GLCCI1: variants seen among roughly 807,000 people sequenced by gnomAD.
GLCCI1 encodes the protein glucocorticoid-induced transcript 1 protein.
GLCCI1 carries 24 observed loss-of-function variants against 52.2 expected under a neutral mutation model. That is an observed-to-expected ratio of 0.46 (90% CI 0.33 to 0.65). The LOEUF (loss-of-function observed/expected upper bound fraction) is 0.65, where lower values mean the gene tolerates loss of function less well. GLCCI1 is among the 30% of genes least tolerant of loss of function. The pLI, the probability that GLCCI1 is intolerant of heterozygous loss-of-function variation, is 0.02. For synonymous variants in GLCCI1, 310 were observed against 276.5 expected (o/e 1.12, Z -1.20); for missense variants, 704 against 701.5 (o/e 1.00, Z -0.04).
intron 4 of GLCCI1, among the ~76,000 whole-genome samples, chr7:8,058,115 G>A (rs1297199511): frequency 6.6e-6 from 1 of 152,010 alleles, no homozygotes; most frequent in Non-Finnish European, 1.5e-5. Context: ...GAAACTAGAT[G>A]ACTAGATAAA....
At position 8,086,172 on chromosome 7, in the gene GLCCI1, A is replaced by G; in HGVS notation, c.1299-21A>G. ...TTTCTGTGTTCATGATTATAAATCT[A>G]ATTTTGTTTTATGGTTTTAGGTCTC... is the stretch of plus-strand genomic sequence containing the variant. On this transcript the variant is annotated intron_variant, in intron 7 of 7. Coordinates refer to ENST00000223145, the MANE Select transcript of GLCCI1 (RefSeq NM_138426.4). The surrounding 1 kb of genome is among the most constrained non-coding windows in gnomAD (Gnocchi z 4.4). The G allele has an allele frequency of 6.4e-7, 1 of 1,559,744 alleles. No individual in the cohort carries two copies. The highest frequency in any genetic ancestry group is 8.7e-7 in the Non-Finnish European group (1 of 1,151,270).
At chr7:8,029,425 C>T (rs1781697872) in intron 3 of GLCCI1, among the ~76,000 whole-genome samples, 1 of 152,092 alleles carries the variant, frequency 6.6e-6, no homozygotes, top group Non-Finnish European at 1.5e-5. Context: ...CTCGAAAAAA[C>T]TGGCTGTAGA....
intron 4 of GLCCI1, among the ~76,000 whole-genome samples, chr7:8,057,047 C>G (rs144113107): frequency 2.0e-5 from 3 of 152,056 alleles, no homozygotes; most frequent in Admixed American, 1.3e-4. Flanking sequence ...ACTGACAATA[C>G]CAAGTGTTGA....
chr7:7,976,484 A>AAAAAAAAAAAAG, intron 1 of GLCCI1, among the ~76,000 whole-genome samples: 1 of 143,922 alleles, frequency 6.9e-6, no homozygotes, highest in South Asian at 2.1e-4. Flanking sequence ...CATCTCAAAA[A>AAAAAAAAAAAAG]AAAAAAAAAA....
chr7:8,077,078 G>C (rs62435365), intron 6 of GLCCI1, among the ~76,000 whole-genome samples: 8,160 of 152,142 alleles, frequency 0.054, 335 homozygotes, highest in East Asian at 0.17. Context: ...ATTTGCTGTA[G>C]AAATAAGGGG....
At chr7:8,080,819 T>G (rs1306425852) in intron 6 of GLCCI1, among the ~76,000 whole-genome samples, 1 of 151,614 alleles carries the variant, frequency 6.6e-6, no homozygotes, top group Non-Finnish European at 1.5e-5. Flanking sequence ...AATCCTTTTT[T>G]TGTTTGTTTT....
intron 3 of GLCCI1, among the ~76,000 whole-genome samples, chr7:8,046,101 A>G (rs1385275487): frequency 6.6e-6 from 1 of 152,214 alleles, no homozygotes; most frequent in Non-Finnish European, 1.5e-5. Flanking sequence ...AAAATTAAAT[A>G]AACTGTTGGA....
intron 5 of GLCCI1, among the ~76,000 whole-genome samples, chr7:8,061,081 T>C (rs1302676602): frequency 6.6e-6 from 1 of 151,988 alleles, no homozygotes; most frequent in African/African-American, 2.4e-5. Flanking sequence ...ATGTTAAGCA[T>C]CTTTTCATGT....
chr7:7,998,466 T>C (rs950280092), intron 1 of GLCCI1, among the ~76,000 whole-genome samples: 1 of 152,234 alleles, frequency 6.6e-6, no homozygotes, highest in Non-Finnish European at 1.5e-5. Context: ...TCCACCCACC[T>C]CGGCCTCCCA....
At chr7:7,998,312 G>A (rs1780983678) in intron 1 of GLCCI1, among the ~76,000 whole-genome samples, 1 of 151,960 alleles carries the variant, frequency 6.6e-6, no homozygotes, top group Admixed American at 6.6e-5. Context: ...CGCCTTTCGG[G>A]TCAAGCAATT....
At chr7:7,980,412 C>A (rs780986485) in intron 1 of GLCCI1, 14 of 235,676 alleles carry the variant, frequency 5.9e-5, no homozygotes, top group Non-Finnish European at 9.7e-5. Context: ...GCAGGTACCA[C>A]AGTTTAATGG....
At chr7:8,084,753 G>A (rs1783067983) in intron 6 of GLCCI1, 144 bp from the exon 7 acceptor site, 4 of 712,260 alleles carry the variant, frequency 5.6e-6, no homozygotes, top group Non-Finnish European at 9.2e-6. Context: ...GCTACACAGG[G>A]TATAAGAAAT....
chr7:8,048,760 A>G (rs1354649970), intron 3 of GLCCI1, among the ~76,000 whole-genome samples: 1 of 152,196 alleles, frequency 6.6e-6, no homozygotes, highest in Non-Finnish European at 1.5e-5. Context: ...ACAGCACAGC[A>G]AGTGTCAAGA....
At chr7:7,978,607 A>T (rs931202501) in intron 1 of GLCCI1, among the ~76,000 whole-genome samples, 3 of 152,160 alleles carry the variant, frequency 2.0e-5, no homozygotes, top group Admixed American at 2.0e-4. Flanking sequence ...TTTATAAGTA[A>T]CATTAGAAAT....
chr7:7,992,165 T>C (rs757600453), intron 1 of GLCCI1, among the ~76,000 whole-genome samples: 1 of 151,036 alleles, frequency 6.6e-6, no homozygotes, highest in Non-Finnish European at 1.5e-5. Flanking sequence ...AGGAATTTAA[T>C]AACTCACATT....
rs1424960550 is a variant in GLCCI1 at position 8,066,309 on chromosome 7, G to A, written c.967-4612G>A. 3.3e-5 allele frequency among the ~76,000 whole-genome samples: 5 copies of A among 151,988 alleles called. No individual in the cohort carries two copies. In the East Asian group the frequency reaches 5.8e-4, roughly 18 times the overall value. On this transcript the variant is annotated intron_variant, in intron 5 of 7. Transcript: ENST00000223145. ...TTTTTCTTTATTAGTCTAGCTAGCA[G>A]TCTCTCTCATTCTTTCAAAGAATTA...
chr7:8,053,645 T>C (rs183261212), intron 3 of GLCCI1, among the ~76,000 whole-genome samples: 4 of 152,132 alleles, frequency 2.6e-5, no homozygotes, highest in Admixed American at 2.6e-4. Flanking sequence ...CTAACTAATG[T>C]TTTAAAACCT....
In GLCCI1 at chr7:7,969,375, TC is replaced by T; in HGVS notation, c.27del (p.Ser10ProfsTer14). ...CATGTCCACTGCCTCCTCCTCCTCC[TC>T]CTCCAGTTCCTCTCAGACCCCTCAT... MSTASSSSSSSSSQTPHPP... is the reference protein window; with the variant it reads MSTASSSSXSSSSQTPHPP... On this transcript the variant is annotated frameshift_variant, in exon 1 of 8. Coordinates refer to ENST00000223145, the MANE Select transcript of GLCCI1 (RefSeq NM_138426.4). LOFTEE classifies it high-confidence loss of function. The surrounding 1 kb of genome is among the most constrained non-coding windows in gnomAD (Gnocchi z 4.9). 6.8e-7 allele frequency: 1 copy of T among 1,471,670 alleles called. No individual in the cohort carries two copies. 91.2% of individuals were successfully genotyped at this position (1,471,670 alleles called of 1,614,324 possible).
In GLCCI1 at chr7:7,973,413, CGT is replaced by C. The variant is rs57135358; in HGVS notation, c.457+3633_457+3634del. Among the ~76,000 whole-genome samples, 1,248 of 147,466 alleles carry C rather than the reference CGT, an allele frequency of 8.5e-3. 10 individuals are homozygous for C. Among genetic ancestry groups the C allele is most frequent in the African/African-American group, 0.015 (623 of 40,358 alleles). On this transcript the variant is annotated intron_variant, in intron 1 of 7. Transcript: ENST00000223145. Reference sequence around the variant, plus strand: ...AGTAGGAAATGCAAATCTTTGTGTGCGTGTGTGTGTGTGTGTGTGTGTGTGTG... The same window carrying C: ...AGTAGGAAATGCAAATCTTTGTGTGCGTGTGTGTGTGTGTGTGTGTGTGTG...
Sources: gnomAD v4.1 joint callset for allele counts (sites outside exome capture counted in the v4.1 genomes callset) on GRCh38, gnomAD v4.1.1 for gene constraint, Gnocchi (gnomAD v3.1) non-coding constraint, MANE v1.5 for transcripts, NCBI Gene and HGNC (gene_info 2026-07-23, HGNC 2026-07-21) for gene names.